Variants in EIF3H observed in about 807,000 individuals in gnomAD.
The protein encoded by EIF3H is eukaryotic translation initiation factor 3 subunit H, also known as eIF-3-gamma.
Under a neutral mutation model 44.2 loss-of-function variants are expected in EIF3H, and 26 were observed. The observed-to-expected ratio is 0.59, with a 90% confidence interval of 0.43 to 0.82. EIF3H has a LOEUF of 0.82. EIF3H is among the 40% of genes least tolerant of loss of function. The probability of loss-of-function intolerance (pLI) is 0.00; values close to 1 mark genes in which losing one functional copy is unlikely to be tolerated. For synonymous variants in EIF3H, 166 were observed against 151.9 expected, an observed-to-expected ratio of 1.09 and a Z score of -0.68; for missense variants, 359 against 432.8, an observed-to-expected ratio of 0.83 and a Z score of 1.51.
At chr8:116,760,406 C>T (rs1476212689), upstream of EIF3H, among the ~76,000 whole-genome samples, 3 of 152,110 alleles carry the variant, frequency 2.0e-5, no homozygotes, top group Non-Finnish European at 2.9e-5. Context: ...GTAATTTGTT[C>T]AGTGTTATGA....
chr8:116,717,094 T>G (rs972183019), intron 2 of EIF3H, among the ~76,000 whole-genome samples: 1 of 152,006 alleles, frequency 6.6e-6, no homozygotes, highest in Non-Finnish European at 1.5e-5. Flanking sequence ...CTAATATATA[T>G]CCATATAACA....
chr8:116,748,836 C>T (rs1467446375), intron 1 of EIF3H, among the ~76,000 whole-genome samples: 1 of 152,200 alleles, frequency 6.6e-6, no homozygotes, highest in Non-Finnish European at 1.5e-5. Flanking sequence ...TCCTATATAT[C>T]ATCCCTAGAT....
At chr8:116,674,896 T>C (rs1813820659) in intron 2 of EIF3H, among the ~76,000 whole-genome samples, 1 of 152,196 alleles carries the variant, frequency 6.6e-6, no homozygotes, top group South Asian at 2.1e-4. Context: ...AAAGTTGTTT[T>C]TTTTTAGATG....
chr8:116,678,120 CCTG>C (rs1347747010), intron 2 of EIF3H, among the ~76,000 whole-genome samples: 1 of 151,356 alleles, frequency 6.6e-6, no homozygotes, highest in East Asian at 1.9e-4. Context: ...CTGCCGAGTG[CCTG>C]CGATTGCAGG....
intron 2 of EIF3H, among the ~76,000 whole-genome samples, chr8:116,719,272 C>CTT (rs1244506572): frequency 6.6e-6 from 1 of 152,112 alleles, no homozygotes; most frequent in Admixed American, 6.6e-5. Context: ...CAGTTACTAA[C>CTT]TTTGCATTTT....
intron 2 of EIF3H, among the ~76,000 whole-genome samples, chr8:116,715,766 T>A (rs1334921297): frequency 3.3e-5 from 5 of 152,100 alleles, no homozygotes; most frequent in African/African-American, 1.2e-4. Flanking sequence ...CTGAATCTTA[T>A]AAGATGAAAA....
At chr8:116,692,633 TAC>T (rs1319229548) in intron 2 of EIF3H, among the ~76,000 whole-genome samples, 1 of 152,200 alleles carries the variant, frequency 6.6e-6, no homozygotes, top group Admixed American at 6.5e-5. Flanking sequence ...TCAGGAAAAG[TAC>T]AGTTTGTCCT....
At chr8:116,758,701 A>G (rs1787125172), upstream of EIF3H, among the ~76,000 whole-genome samples, 1 of 152,234 alleles carries the variant, frequency 6.6e-6, no homozygotes, top group African/African-American at 2.4e-5. Flanking sequence ...AGGAATTAAA[A>G]CATAGGATAA....
intron 2 of EIF3H, among the ~76,000 whole-genome samples, chr8:116,680,808 C>A (rs1443770122): frequency 1.1e-4 from 15 of 136,734 alleles, no homozygotes; most frequent in Non-Finnish European, 1.6e-5. Context: ...GCGAGAAACA[C>A]CCAAGAATGA....
intron 2 of EIF3H, among the ~76,000 whole-genome samples, chr8:116,705,114 C>T (rs1052444371): frequency 6.6e-6 from 1 of 152,110 alleles, no homozygotes; most frequent in African/African-American, 2.4e-5. Context: ...AATTCATACT[C>T]GGTCAGAGAT....
At chr8:116,738,086 T>C (rs927009593) in intron 1 of EIF3H, among the ~76,000 whole-genome samples, 1 of 151,804 alleles carries the variant, frequency 6.6e-6, no homozygotes, top group Non-Finnish European at 1.5e-5. Flanking sequence ...TCTTCCTTTA[T>C]ACATCTGCAT....
At chr8:116,736,746 AATTC>A (rs1398351754) in intron 1 of EIF3H, among the ~76,000 whole-genome samples, 1 of 152,206 alleles carries the variant, frequency 6.6e-6, no homozygotes, top group Admixed American at 6.5e-5. Flanking sequence ...ATGAAGAAAC[AATTC>A]ATACATGCGC....
rs1396926017 is a variant in EIF3H, at chr8:116,755,708, G to A, written c.90C>T (p.Gly30=). ...GAAGKGKGKG[G]SGDSAVKQVQ... ...CTTGCTTCACGGCTGAATCTCCCGA[G>A]CCGCCTTTGCCTTTGCCTTTCCCTG... Residue 30 remains glycine, a synonymous_variant, in exon 1 of 8, where the codon GGC becomes GGT. Transcript: ENST00000521861. 6.2e-7 allele frequency: 1 copy of A among 1,614,142 alleles called. No individual in the cohort carries two copies. Among genetic ancestry groups the A allele is most frequent in the South Asian group, 1.1e-5 (1 of 91,090 alleles).
chr8:116,653,542 A>G (rs1270325807), intron 5 of EIF3H, among the ~76,000 whole-genome samples: 1 of 152,190 alleles, frequency 6.6e-6, no homozygotes, highest in Non-Finnish European at 1.5e-5. Flanking sequence ...TTTTATTGCC[A>G]AGCAAATAAA....
chr8:116,751,017 C>T (rs1020151105), intron 1 of EIF3H, among the ~76,000 whole-genome samples: 1 of 151,200 alleles, frequency 6.6e-6, no homozygotes, highest in Non-Finnish European at 1.5e-5. Flanking sequence ...TCGAGACCAT[C>T]CCGGCTAAAA....
intron 2 of EIF3H, among the ~76,000 whole-genome samples, chr8:116,696,468 T>A (rs1402303701): frequency 6.6e-6 from 1 of 152,202 alleles, no homozygotes; most frequent in African/African-American, 2.4e-5. Flanking sequence ...AAGTTCCCCA[T>A]AAAATACTTG....
chr8:116,764,689 C>G (rs1280868470), intron 1 of EIF3H, among the ~76,000 whole-genome samples: 1 of 152,154 alleles, frequency 6.6e-6, no homozygotes, highest in African/African-American at 2.4e-5. Context: ...TTTTTGTCTT[C>G]TTTTAATTTA....
intron 2 of EIF3H, among the ~76,000 whole-genome samples, chr8:116,683,840 G>A (rs1814030915): frequency 6.6e-6 from 1 of 152,154 alleles, no homozygotes; most frequent in African/African-American, 2.4e-5. Context: ...GGTTACATAT[G>A]TTGAATTCTT....
intron 2 of EIF3H, among the ~76,000 whole-genome samples, chr8:116,682,141 C>A (rs1326452262): frequency 1.3e-5 from 2 of 152,140 alleles, no homozygotes; most frequent in African/African-American, 4.8e-5. Flanking sequence ...AAGGATCAGG[C>A]CACTCTATGC....
Sources: gnomAD v4.1 joint callset for allele counts (sites outside exome capture counted in the v4.1 genomes callset) on GRCh38, gnomAD v4.1.1 for gene constraint, MANE v1.5 for transcripts, NCBI Gene and HGNC (gene_info 2026-07-23, HGNC 2026-07-21) for gene names.